Variants in RAD23B observed in about 807,000 individuals in gnomAD.
The protein encoded by RAD23B is RAD23 nucleotide excision repair protein B.
In RAD23B, 5 loss-of-function variants were observed where a neutral mutation model predicts 49.1. The ratio of observed to expected loss-of-function variants is 0.10; its 90% CI spans 0.05 to 0.21. The LOEUF is 0.21. Among genes scored for constraint, RAD23B ranks in the 10% least tolerant of loss-of-function variants. RAD23B has a pLI of 1.00. For missense variants in RAD23B, 356 were observed against 486.7 expected (o/e 0.73, Z 2.53); for synonymous variants, 184 against 165.4 (o/e 1.11, Z -0.86).
chr9:107,299,275 T>C (rs1158744704), intron 1 of RAD23B, among the ~76,000 whole-genome samples: 3 of 152,346 alleles, frequency 2.0e-5, no homozygotes, highest in East Asian at 3.9e-4. Context: ...TCAAGAAGTA[T>C]TGAATTTTTC....
rs890472902 is a variant in RAD23B at position 107,329,467 on chromosome 9, A to G, written c.1117-76A>G. The G allele has an allele frequency of 3.1e-5, 29 of 928,656 alleles. No individual in the cohort carries two copies. The South Asian group carries it at 4.2e-4, about 13-fold the overall frequency. The allele number at this position is 928,656 out of a possible 1,614,324, so 57.5% of individuals were successfully genotyped here. On this transcript the variant is annotated intron_variant, in intron 9 of 9. Coordinates refer to ENST00000358015, the MANE Select transcript of RAD23B (RefSeq NM_002874.5). ...GATTTATCTTTAGTGCTATGCTGGA[A>G]TCTATAATATGTAAATAAAATTAAA...
chr9:107,302,107 T>C lies in RAD23B; in HGVS notation c.221T>C (p.Val74Ala). 1 of 1,613,010 alleles carries C rather than the reference T, an allele frequency of 6.2e-7. No homozygotes were observed. Among genetic ancestry groups the C allele is most frequent in the Non-Finnish European group, 8.5e-7 (1 of 1,179,696 alleles). The change falls in exon 3 of 10, where the codon GTG (valine) becomes GCG (alanine). Residue 74 changes from valine to alanine, a missense_variant. Physicochemically the swap from Val to Ala is moderately conservative, Grantham distance 64 (BLOSUM62 0). Transcript: ENST00000358015. ...GAGAAAAACTTTGTGGTGGTTATGG[T>C]GACCAAAGTAAGTTTCAACCTCATT... is the stretch of plus-strand genomic sequence containing the variant. ...IDEKNFVVVM[V>A]TKPKAVSTPA...
intron 3 of RAD23B, among the ~76,000 whole-genome samples, chr9:107,306,072 T>TA (rs1564245552): frequency 1.6e-4 from 7 of 42,858 alleles, no homozygotes; most frequent in South Asian, 1.2e-3. Flanking sequence ...TATATATATA[T>TA]CTATATATCT....
At chr9:107,284,374 T>C (rs972096363) in intron 1 of RAD23B, among the ~76,000 whole-genome samples, 6 of 152,004 alleles carry the variant, frequency 3.9e-5, no homozygotes, top group African/African-American at 7.3e-5. Context: ...AGGCTCAAAC[T>C]AAACTTCAGA....
chr9:107,293,833 G>T (rs141693969), intron 1 of RAD23B, among the ~76,000 whole-genome samples: 361 of 152,284 alleles, frequency 2.4e-3, no homozygotes, highest in African/African-American at 8.5e-3. Context: ...GCTCAGGCTG[G>T]AGTACGCTGA....
chr9:107,291,012 T>C (rs1833374273), intron 1 of RAD23B, among the ~76,000 whole-genome samples: 1 of 152,248 alleles, frequency 6.6e-6, no homozygotes, highest in African/African-American at 2.4e-5. Flanking sequence ...TTTTTTATAG[T>C]GTCACGAAAG....
chr9:107,283,832 C>G, intron 1 of RAD23B, 137 bp downstream of exon 1: 1 of 943,718 alleles, frequency 1.1e-6, no homozygotes, highest in Non-Finnish European at 1.4e-6. Context: ...TGGTGCCGGC[C>G]CTGGCGGCGT....
In RAD23B at chr9:107,318,130, A is replaced by G. The variant is rs929183974; in HGVS notation, c.554-622A>G. On this transcript the variant is annotated intron_variant, in intron 5 of 9. Coordinates refer to ENST00000358015, the MANE Select transcript of RAD23B (RefSeq NM_002874.5). This position sits in a 1 kb window ranked among gnomAD's most constrained non-coding sequence, Gnocchi z 4.3. The stretch of plus-strand genomic sequence containing the variant: ...CATATTATATGAGTTTCCTGTTGCT[A>G]CTGTAGTAAGTTACCACAAACTTAT... Among the ~76,000 whole-genome samples the G allele has an allele frequency of 3.3e-5, 5 of 152,232 alleles. No homozygotes were observed. The highest frequency in any genetic ancestry group is 2.0e-4 in the Admixed American group (3 of 15,294).
intron 9 of RAD23B, among the ~76,000 whole-genome samples, chr9:107,328,749 G>T (rs1428586266): frequency 6.6e-6 from 1 of 152,302 alleles, no homozygotes; most frequent in East Asian, 1.9e-4. Flanking sequence ...GCCAGTTCAC[G>T]GTCTTGGGGT....
Position 107,329,551 on chromosome 9 carries a change from A to G in RAD23B, c.1125A>G (p.Ala375=), listed in dbSNP as rs1827270259. 2 of 1,608,690 alleles carry G rather than the reference A, an allele frequency of 1.2e-6. No individual in the cohort carries two copies. Among genetic ancestry groups the G allele is most frequent in the East Asian group, 4.5e-5 (2 of 44,788 alleles). Residue 375 remains alanine, a synonymous_variant, in exon 10 of 10, where the codon GCA becomes GCG. Transcript: ENST00000358015. ...QEKEAIERLK[A]LGFPEGLVIQ... ...TTTCCTTTTTCTTCCAGTTAAAGGCATTAGGATTTCCTGAAGGACTTGTGA... is the reference window on the plus strand; with the variant it reads ...TTTCCTTTTTCTTCCAGTTAAAGGCGTTAGGATTTCCTGAAGGACTTGTGA...
intron 6 of RAD23B, 133 bp from the exon 7 acceptor site, chr9:107,321,850 T>C (rs1827116772): frequency 2.0e-6 from 2 of 1,025,306 alleles, no homozygotes; most frequent in Non-Finnish European, 2.7e-6. Context: ...TCCTTTACTT[T>C]TAATTGAAGC....
At chr9:107,291,513 T>C (rs1833384484) in intron 1 of RAD23B, among the ~76,000 whole-genome samples, 1 of 152,266 alleles carries the variant, frequency 6.6e-6, no homozygotes, top group Non-Finnish European at 1.5e-5. Flanking sequence ...AATGTTATGC[T>C]ATCAGTTATT....
chr9:107,283,915 C>G, intron 1 of RAD23B: 2 of 1,004,648 alleles, frequency 2.0e-6, no homozygotes, highest in South Asian at 8.9e-5. Flanking sequence ...GGCCGGACGC[C>G]GAAGGCCTGG....
At chr9:107,304,683 CA>C (rs1292630186) in intron 3 of RAD23B, among the ~76,000 whole-genome samples, 1 of 152,166 alleles carries the variant, frequency 6.6e-6, no homozygotes, top group Non-Finnish European at 1.5e-5. Flanking sequence ...TCCACTAAAA[CA>C]GCTACCTTTT....
At chr9:107,290,816 A>G (rs986642825) in intron 1 of RAD23B, among the ~76,000 whole-genome samples, 1 of 152,188 alleles carries the variant, frequency 6.6e-6, no homozygotes, top group Non-Finnish European at 1.5e-5. Context: ...ATTTTCTTAG[A>G]TTGACATAAT....
chr9:107,308,481 A>G lies in RAD23B; in HGVS notation c.497+1834A>G, dbSNP rs547952461. 2.0e-5 allele frequency among the ~76,000 whole-genome samples: 3 copies of G among 152,204 alleles called. No individual in the cohort carries two copies. The South Asian group carries it at 6.2e-4, about 32-fold the overall frequency. ...TGATCTGCCCACCTCGGCCTCCCAA[A>G]GTGCTGGGATTATAGGCATGAGCCA... On this transcript the variant is annotated intron_variant, in intron 4 of 9. Coordinates refer to ENST00000358015, the MANE Select transcript of RAD23B (RefSeq NM_002874.5).
intron 3 of RAD23B, among the ~76,000 whole-genome samples, chr9:107,303,739 A>G (rs968584065): frequency 6.6e-6 from 1 of 152,162 alleles, no homozygotes; most frequent in African/African-American, 2.4e-5. Context: ...AAGACTGAAT[A>G]CTATCCTATT....
intron 1 of RAD23B, among the ~76,000 whole-genome samples, chr9:107,288,727 C>G (rs11573620): frequency 0.015 from 2,299 of 152,112 alleles, 55 homozygotes; most frequent in African/African-American, 0.052. Flanking sequence ...CACTGAAGGC[C>G]TTTCTGAATA....
intron 4 of RAD23B, among the ~76,000 whole-genome samples, chr9:107,307,725 T>A (rs1312537354): frequency 6.6e-6 from 1 of 152,220 alleles, no homozygotes; most frequent in African/African-American, 2.4e-5. Context: ...TAGTCAACCA[T>A]GTTTGGAGGA....
Sources: allele counts gnomAD v4.1 joint callset (sites outside exome capture counted in the v4.1 genomes callset), GRCh38; gene constraint gnomAD v4.1.1; non-coding constraint Gnocchi (gnomAD v3.1); transcripts MANE v1.5; gene names NCBI Gene and HGNC (gene_info 2026-07-23, HGNC 2026-07-21).